THSD4: variants seen among roughly 807,000 people sequenced by gnomAD.
THSD4 encodes the protein thrombospondin type 1 domain containing 4, also known as thrombospondin type-1 domain-containing protein 4.
THSD4 carries 69 observed loss-of-function variants against 119.0 expected under a neutral mutation model. The ratio of observed to expected loss-of-function variants is 0.58; its 90% CI spans 0.48 to 0.71. THSD4 has a LOEUF of 0.71. Ranked by LOEUF, THSD4 falls within the 30% of genes least tolerant of loss-of-function variation. The pLI is 0.00. For missense variants in THSD4, 1,393 were observed against 1,391.1 expected, an observed-to-expected ratio of 1.00 and a Z score of -0.02; for synonymous variants, 524 against 540.4, an observed-to-expected ratio of 0.97 and a Z score of 0.42.
intron 2 of THSD4, among the ~76,000 whole-genome samples, chr15:71,148,461 T>C (rs2040686233): frequency 6.6e-6 from 1 of 152,202 alleles, no homozygotes; most frequent in South Asian, 2.1e-4. Flanking sequence ...CTAAGAAAGG[T>C]TTCTTAAGCT....
At chr15:71,492,092 T>C (rs1017532584) in intron 7 of THSD4, among the ~76,000 whole-genome samples, 4 of 152,076 alleles carry the variant, frequency 2.6e-5, no homozygotes, top group African/African-American at 7.2e-5. Flanking sequence ...GCATGTTAGC[T>C]GTTTTCTCGG....
intron 8 of THSD4, among the ~76,000 whole-genome samples, chr15:71,681,581 G>A (rs1167608946): frequency 3.3e-5 from 5 of 151,496 alleles, no homozygotes; most frequent in South Asian, 2.1e-4. Flanking sequence ...AGGCTGGGGC[G>A]GCAGAATCGA....
intron 3 of THSD4, among the ~76,000 whole-genome samples, chr15:71,163,580 T>C (rs1426167698): frequency 6.6e-6 from 1 of 152,134 alleles, no homozygotes; most frequent in Admixed American, 6.5e-5. Flanking sequence ...CATACTGAGA[T>C]GCAAAGTTTA....
intron 7 of THSD4, among the ~76,000 whole-genome samples, chr15:71,654,309 T>G (rs1376351004): frequency 4.6e-5 from 7 of 152,240 alleles, no homozygotes; most frequent in African/African-American, 1.2e-4. Context: ...CAGGAAACAT[T>G]TACTGAACTA....
intron 6 of THSD4, among the ~76,000 whole-genome samples, chr15:71,300,789 G>C (rs1330577532): frequency 2.0e-5 from 3 of 152,278 alleles, no homozygotes; most frequent in African/African-American, 7.2e-5. Context: ...GAAATTACAA[G>C]CAAGATAAAT....
intron 8 of THSD4, among the ~76,000 whole-genome samples, chr15:71,697,561 G>A (rs1016695833): frequency 1.3e-5 from 2 of 152,230 alleles, no homozygotes; most frequent in Admixed American, 6.5e-5. Flanking sequence ...TAAAGAAAGA[G>A]TATGCACTGG....
chr15:71,137,657 C>T lies in THSD4; in HGVS notation c.-79-3792C>T, dbSNP rs532579657. On this transcript the variant is annotated intron_variant, in intron 1 of 17. Transcript: ENST00000261862. The stretch of plus-strand genomic sequence containing the variant: ...GGCTGATTTAACACAATACTAATCA[C>T]GGAAGCTCAAGTAACAGCCAAGAAG... 3.3e-5 allele frequency among the ~76,000 whole-genome samples: 5 copies of T among 152,180 alleles called. No individual in the cohort carries two copies. In the South Asian group the frequency reaches 6.2e-4, roughly 19 times the overall value.
intron 6 of THSD4, among the ~76,000 whole-genome samples, chr15:71,297,976 C>T (rs2060551987): frequency 1.3e-5 from 2 of 151,938 alleles, no homozygotes; most frequent in African/African-American, 4.8e-5. Context: ...TTTTTCCTTT[C>T]GTTGCTCATA....
intron 7 of THSD4, among the ~76,000 whole-genome samples, chr15:71,449,016 C>A (rs755153108): frequency 3.9e-5 from 6 of 152,192 alleles, no homozygotes; most frequent in Non-Finnish European, 7.3e-5. Flanking sequence ...TCCCTCACAG[C>A]AGCCAAAGTG....
At chr15:71,375,838 C>G (rs937326866) in intron 6 of THSD4, among the ~76,000 whole-genome samples, 3 of 152,172 alleles carry the variant, frequency 2.0e-5, no homozygotes, top group Admixed American at 2.0e-4. Context: ...CCTACTAAAT[C>G]AGAGGCTCTG....
chr15:71,214,227 A>G (rs1420262706), intron 3 of THSD4, among the ~76,000 whole-genome samples: 2 of 150,660 alleles, frequency 1.3e-5, no homozygotes, highest in Non-Finnish European at 2.9e-5. Context: ...CAAATAAGGG[A>G]CTAAAAGCTG....
intron 7 of THSD4, among the ~76,000 whole-genome samples, chr15:71,658,942 A>G (rs1392990): frequency 0.4 from 60,771 of 151,998 alleles, 13,057 homozygotes; most frequent in East Asian, 0.9. Flanking sequence ...CAGGCATGCA[A>G]CTAGAGGGGA....
intron 6 of THSD4, among the ~76,000 whole-genome samples, chr15:71,276,846 T>C (rs1283801277): frequency 6.6e-6 from 1 of 152,244 alleles, no homozygotes; most frequent in African/African-American, 2.4e-5. Context: ...TAGCGGATTG[T>C]AATTTTTCAA....
chr15:71,648,314 A>G (rs2051013401), intron 7 of THSD4, among the ~76,000 whole-genome samples: 1 of 152,218 alleles, frequency 6.6e-6, no homozygotes, highest in Admixed American at 6.5e-5. Flanking sequence ...CTAAATCCCT[A>G]CCAGATGCTT....
chr15:71,510,771 G>T (rs928498324), intron 7 of THSD4, among the ~76,000 whole-genome samples: 1 of 152,214 alleles, frequency 6.6e-6, no homozygotes, highest in African/African-American at 2.4e-5. Flanking sequence ...ACAACAGCAG[G>T]TAGAGTCTTT....
intron 8 of THSD4, among the ~76,000 whole-genome samples, chr15:71,727,447 G>A (rs1036393746): frequency 6.6e-6 from 1 of 150,398 alleles, no homozygotes; most frequent in African/African-American, 2.5e-5. Context: ...TGTAATCCCA[G>A]CACTTTGGGA....
intron 3 of THSD4, chr15:71,165,128 C>T: frequency 1.2e-6 from 2 of 1,610,002 alleles, no homozygotes; most frequent in Admixed American, 1.7e-5. Flanking sequence ...CGAAGGAGGC[C>T]TCTTGGGTGC....
intron 8 of THSD4, among the ~76,000 whole-genome samples, chr15:71,676,900 C>T (rs1567095660): frequency 6.6e-6 from 1 of 152,148 alleles, no homozygotes; most frequent in Non-Finnish European, 1.5e-5. Context: ...GTGAATAATG[C>T]GCTATGAACA....
intron 6 of THSD4, among the ~76,000 whole-genome samples, chr15:71,278,219 A>G (rs770549418): frequency 2.0e-5 from 3 of 152,142 alleles, no homozygotes; most frequent in Non-Finnish European, 4.4e-5. Context: ...TTGCTGAGAC[A>G]GGGTCTCACT....
Sources: allele counts gnomAD v4.1 joint callset (sites outside exome capture counted in the v4.1 genomes callset), GRCh38; gene constraint gnomAD v4.1.1; transcripts MANE v1.5; gene names NCBI Gene and HGNC (gene_info 2026-07-23, HGNC 2026-07-21).